Variants in ARMS2 observed in about 807,000 individuals in gnomAD.
ARMS2 encodes age-related maculopathy susceptibility protein 2.
ARMS2 carries 4 observed loss-of-function variants against 6.0 expected under a neutral mutation model. The observed-to-expected ratio is 0.67, with a 90% CI of 0.33 to 1.53. The LOEUF (loss-of-function observed/expected upper bound fraction) is 1.53, where lower values mean the gene tolerates loss of function less well. Among genes scored for constraint, ARMS2 ranks in the 40% most tolerant of loss-of-function variants. The pLI, the probability that ARMS2 is intolerant of heterozygous loss-of-function variation, is 0.06. For missense variants in ARMS2, 99 were observed against 127.6 expected (o/e 0.78, Z 1.08); for synonymous variants, 49 against 51.7 (o/e 0.95, Z 0.22).
chr10:122,454,716 C>A lies in ARMS2; in HGVS notation c.-12C>A. On this transcript the variant is annotated 5_prime_UTR_variant, in exon 1 of 2. Coordinates refer to ENST00000528446, the MANE Select transcript of ARMS2 (RefSeq NM_001099667.3). Reference sequence around the variant, plus strand: ...AGCACCTTTGTCACCACATTATGTCCCTGTACCCTACATGCTGCGCCTATA... The same window carrying A: ...AGCACCTTTGTCACCACATTATGTCACTGTACCCTACATGCTGCGCCTATA... 1.2e-6 allele frequency: 2 copies of A among 1,612,880 alleles called. No individual in the cohort carries two copies. The highest frequency in any genetic ancestry group is 8.5e-7 in the Non-Finnish European group (1 of 1,179,528).
rs370828794 is a variant in ARMS2 at position 122,456,814 on chromosome 10, C to T, written c.298-93C>T. The T allele has an allele frequency of 6.6e-6, 10 of 1,517,550 alleles. No homozygotes were observed. The African/African-American group carries it at 1.1e-4, about 17-fold the overall frequency. The allele number at this position is 1,517,550 out of a possible 1,614,324, so 94.0% of individuals were successfully genotyped here. ...TTCTTACCCTATTGAGTTACATTAACTGCATCTTCAACTTAATTTAAAGTG... is the reference window on the plus strand; with the variant it reads ...TTCTTACCCTATTGAGTTACATTAATTGCATCTTCAACTTAATTTAAAGTG... On this transcript the variant is annotated intron_variant, in intron 1 of 1. Coordinates refer to ENST00000528446, the MANE Select transcript of ARMS2 (RefSeq NM_001099667.3).
intron 1 of ARMS2, among the ~76,000 whole-genome samples, chr10:122,455,297 G>A (rs1045810903): frequency 1.3e-5 from 2 of 152,202 alleles, no homozygotes; most frequent in Non-Finnish European, 2.9e-5. Context: ...AAGTGATGGG[G>A]TGAGCAGAAA....
At chr10:122,455,528 A>G (rs952761690) in intron 1 of ARMS2, among the ~76,000 whole-genome samples, 5 of 152,190 alleles carry the variant, frequency 3.3e-5, no homozygotes, top group Non-Finnish European at 7.4e-5. Flanking sequence ...TATGTGTAAG[A>G]AAACAACAAT....
chr10:122,454,681 G>A lies in ARMS2; in HGVS notation c.-47G>A. On this transcript the variant is annotated 5_prime_UTR_variant, in exon 1 of 2. Coordinates refer to ENST00000528446, the MANE Select transcript of ARMS2 (RefSeq NM_001099667.3). ...GCTGAGTGAGATGGCAGCTGGCTTG[G>A]CAAGGGGACAGCACCTTTGTCACCA... 2 of 1,589,590 alleles carry A rather than the reference G, an allele frequency of 1.3e-6. No individual in the cohort carries two copies. Among genetic ancestry groups the A allele is most frequent in the Non-Finnish European group, 1.7e-6 (2 of 1,163,810 alleles).
Position 122,456,996 on chromosome 10 carries a change from C to T in ARMS2, c.*63C>T. The T allele has an allele frequency of 6.5e-7, 1 of 1,546,618 alleles. No individual in the cohort carries two copies. The highest frequency in any genetic ancestry group is 8.7e-7 in the Non-Finnish European group (1 of 1,144,920). ...CTTCTCATCAGCATCAATGTGAAGC[C>T]AAAAATCCTTAGGAGGACAGAGGGA... On this transcript the variant is annotated 3_prime_UTR_variant, in exon 2 of 2. Transcript: ENST00000528446.
chr10:122,456,876 A>T, intron 1 of ARMS2, 31 bp from the exon 2 acceptor site: 1 of 1,550,102 alleles, frequency 6.5e-7, no homozygotes, highest in Non-Finnish European at 8.7e-7. Flanking sequence ...GTCTTTAAAA[A>T]TGCATATTAC....
rs10664316 is a variant in ARMS2, at chr10:122,456,869, T to TAC, written c.298-38_298-37insAC. 4 of 1,419,430 alleles carry TAC rather than the reference T, an allele frequency of 2.8e-6. No individual in the cohort carries two copies. The South Asian group carries it at 3.8e-5, about 13-fold the overall frequency. The allele number at this position is 1,419,430 out of a possible 1,614,324, so 87.9% of individuals were successfully genotyped here. On this transcript the variant is annotated intron_variant, in intron 1 of 1. Coordinates refer to ENST00000528446, the MANE Select transcript of ARMS2 (RefSeq NM_001099667.3). ...TCAACCTAAAATATCGTCATGTGTCTTTAAAAATGCATATTACTAAATCTA... is the reference window on the plus strand; with the variant it reads ...TCAACCTAAAATATCGTCATGTGTCTACTTAAAAATGCATATTACTAAATCTA...
chr10:122,454,675 G>T lies in ARMS2; in HGVS notation c.-53G>T. The T allele has an allele frequency of 1.9e-6, 3 of 1,586,234 alleles. No homozygotes were observed. In the East Asian group the frequency reaches 6.8e-5, roughly 36 times the overall value. ...CTCCTGGCTGAGTGAGATGGCAGCT[G>T]GCTTGGCAAGGGGACAGCACCTTTG... On this transcript the variant is annotated 5_prime_UTR_variant, in exon 1 of 2. Transcript: ENST00000528446.
chr10:122,455,719 G>T (rs898790897), intron 1 of ARMS2, among the ~76,000 whole-genome samples: 2 of 152,140 alleles, frequency 1.3e-5, no homozygotes, highest in African/African-American at 2.4e-5. Context: ...GAACACAAAG[G>T]TTGAACCCCT....
rs1327734473 is a variant in ARMS2 at position 122,457,032 on chromosome 10, A to G, written c.*99A>G. 1.4e-6 allele frequency: 2 copies of G among 1,479,486 alleles called. No homozygotes were observed. The highest frequency in any genetic ancestry group is 1.8e-6 in the Non-Finnish European group (2 of 1,087,434). 91.6% of individuals were successfully genotyped at this position (1,479,486 alleles called of 1,614,324 possible). Reference sequence around the variant, plus strand: ...AGGAGGACAGAGGGAGTCCCTCACAACCTAGACTGGTCCCCTTCCCTCCAG... The same window carrying G: ...AGGAGGACAGAGGGAGTCCCTCACAGCCTAGACTGGTCCCCTTCCCTCCAG... On this transcript the variant is annotated 3_prime_UTR_variant, in exon 2 of 2. Transcript: ENST00000528446.
rs1565398948 is a variant in ARMS2 at position 122,456,945 on chromosome 10, CA to C, written c.*13del. On this transcript the variant is annotated 3_prime_UTR_variant, in exon 2 of 2. Coordinates refer to ENST00000528446, the MANE Select transcript of ARMS2 (RefSeq NM_001099667.3). ...CTGCAGCAAGGTGATTCTGCCAAAA[CA>C]TATCTCCTTAAAAGCCAACTGGAGC... The C allele has an allele frequency of 6.4e-7, 1 of 1,551,264 alleles. No homozygotes were observed. Among genetic ancestry groups the C allele is most frequent in the South Asian group, 1.2e-5 (1 of 83,992 alleles).
In ARMS2 at chr10:122,454,671, A is replaced by G; in HGVS notation, c.-57A>G. 1 of 1,583,872 alleles carries G rather than the reference A, an allele frequency of 6.3e-7. No individual in the cohort carries two copies. On this transcript the variant is annotated 5_prime_UTR_variant, in exon 1 of 2. Transcript: ENST00000528446. ...AATGCTCCTGGCTGAGTGAGATGGC[A>G]GCTGGCTTGGCAAGGGGACAGCACC...
At position 122,457,344 on chromosome 10, in the gene ARMS2, A is replaced by T. The variant is rs1219762216; in HGVS notation, c.*411A>T. 6 of 109,398 alleles carry T rather than the reference A, an allele frequency of 5.5e-5. No individual in the cohort carries two copies. Among genetic ancestry groups the T allele is most frequent in the Admixed American group, 3.0e-4 (3 of 10,056 alleles). The allele number at this position is 109,398 out of a possible 1,614,324, so 6.8% of individuals were successfully genotyped here. A position where few individuals can be genotyped will look rare whatever the true frequency, so the allele number is the denominator to read the frequency against. On this transcript the variant is annotated 3_prime_UTR_variant, in exon 2 of 2. Transcript: ENST00000528446. ...CTAAAATTAAATAAAAATTCAGATC[A>T]TCCTTGCACTTGCTGCATTTCAAAT...
At chr10:122,455,901 C>T (rs774630244) in intron 1 of ARMS2, among the ~76,000 whole-genome samples, 4 of 152,020 alleles carry the variant, frequency 2.6e-5, no homozygotes, top group Non-Finnish European at 2.9e-5. Context: ...CATTCAAGAC[C>T]TTTCGGTGGC....
At position 122,454,665 on chromosome 10, in the gene ARMS2, G is replaced by T. The variant is rs1159857624; in HGVS notation, c.-63G>T. Reference sequence around the variant, plus strand: ...AAAGACAATGCTCCTGGCTGAGTGAGATGGCAGCTGGCTTGGCAAGGGGAC... The same window carrying T: ...AAAGACAATGCTCCTGGCTGAGTGATATGGCAGCTGGCTTGGCAAGGGGAC... On this transcript the variant is annotated 5_prime_UTR_variant, in exon 1 of 2. Coordinates refer to ENST00000528446, the MANE Select transcript of ARMS2 (RefSeq NM_001099667.3). 1 of 1,580,018 alleles carries T rather than the reference G, an allele frequency of 6.3e-7. No individual in the cohort carries two copies. The highest frequency in any genetic ancestry group is 8.6e-7 in the Non-Finnish European group (1 of 1,159,604).
chr10:122,457,003 C>T lies in ARMS2; in HGVS notation c.*70C>T, dbSNP rs1050966276. The stretch of plus-strand genomic sequence containing the variant: ...TCAGCATCAATGTGAAGCCAAAAAT[C>T]CTTAGGAGGACAGAGGGAGTCCCTC... On this transcript the variant is annotated 3_prime_UTR_variant, in exon 2 of 2. Coordinates refer to ENST00000528446, the MANE Select transcript of ARMS2 (RefSeq NM_001099667.3). 1.4e-5 allele frequency: 21 copies of T among 1,547,670 alleles called. No homozygotes were observed. In the African/African-American group the frequency reaches 2.9e-4, roughly 21 times the overall value.
At position 122,457,013 on chromosome 10, in the gene ARMS2, A is replaced by G. The variant is rs2097477717; in HGVS notation, c.*80A>G. 1 of 1,539,914 alleles carries G rather than the reference A, an allele frequency of 6.5e-7. No homozygotes were observed. Among genetic ancestry groups the G allele is most frequent in the South Asian group, 1.2e-5 (1 of 83,070 alleles). On this transcript the variant is annotated 3_prime_UTR_variant, in exon 2 of 2. Transcript: ENST00000528446. ...TGTGAAGCCAAAAATCCTTAGGAGG[A>G]CAGAGGGAGTCCCTCACAACCTAGA...
At position 122,454,811 on chromosome 10, in the gene ARMS2, G is replaced by T; in HGVS notation, c.84G>T (p.Val28=). ...GPEMASLSSS[V]VPVSFISTLR... is the part of the protein sequence containing the mutation. The stretch of plus-strand genomic sequence containing the variant: ...AGATGGCAAGTCTGTCCTCCTCGGT[G>T]GTTCCTGTGTCCTTCATTTCCACTC... Residue 28 remains valine, a synonymous_variant, in exon 1 of 2, where the codon GTG becomes GTT. Transcript: ENST00000528446. 1 of 1,614,024 alleles carries T rather than the reference G, an allele frequency of 6.2e-7. No individual in the cohort carries two copies. The highest frequency in any genetic ancestry group is 1.7e-5 in the Admixed American group (1 of 60,028).
intron 1 of ARMS2, among the ~76,000 whole-genome samples, chr10:122,456,502 G>T (rs960882251): frequency 6.6e-6 from 1 of 151,114 alleles, no homozygotes; most frequent in African/African-American, 2.4e-5. Context: ...TAAAAATACA[G>T]AAATTAGCCA....
Sources: allele counts gnomAD v4.1 joint callset (sites outside exome capture counted in the v4.1 genomes callset), GRCh38; gene constraint gnomAD v4.1.1; transcripts MANE v1.5; gene names NCBI Gene and HGNC (gene_info 2026-07-23, HGNC 2026-07-21).